The following TMEM87B variants were observed in gnomAD, a reference collection of about 807,000 sequenced individuals.
The protein encoded by TMEM87B is transmembrane protein 87B.
A neutral mutation model predicts 80.3 loss-of-function variants in TMEM87B; 83 were observed. The ratio of observed to expected loss-of-function variants is 1.03; its 90% CI spans 0.87 to 1.24. The LOEUF is 1.24. Ranked by LOEUF, TMEM87B falls within the 50% of genes most tolerant of loss-of-function variation. TMEM87B has a pLI of 0.00. For missense variants in TMEM87B, 625 were observed against 674.4 expected, an observed-to-expected ratio of 0.93 and a Z score of 0.81; for synonymous variants, 219 against 230.5, an observed-to-expected ratio of 0.95 and a Z score of 0.45.
At chr2:112,081,860 T>C (rs1679007853) in intron 8 of TMEM87B, among the ~76,000 whole-genome samples, 1 of 151,972 alleles carries the variant, frequency 6.6e-6, no homozygotes, top group Non-Finnish European at 1.5e-5. Flanking sequence ...TACTTCTCCT[T>C]CCCCCCACAT....
chr2:112,098,928 A>AT (rs1679550719), intron 14 of TMEM87B, among the ~76,000 whole-genome samples: 1 of 152,196 alleles, frequency 6.6e-6, no homozygotes, highest in Non-Finnish European at 1.5e-5. Flanking sequence ...CAGCGCTTAC[A>AT]TTACACCTTG....
intron 15 of TMEM87B, among the ~76,000 whole-genome samples, chr2:112,105,700 T>C (rs1679746694): frequency 6.6e-6 from 1 of 152,222 alleles, no homozygotes; most frequent in African/African-American, 2.4e-5. Context: ...CCATAAACTT[T>C]AAAATAATTG....
At chr2:112,060,619 C>T (rs1428953059) in intron 2 of TMEM87B, among the ~76,000 whole-genome samples, 1 of 151,578 alleles carries the variant, frequency 6.6e-6, no homozygotes, top group Non-Finnish European at 1.5e-5. Context: ...TGACTGCAAC[C>T]TCCGCCTCTC....
At chr2:112,080,322 T>G (rs1229534536) in intron 6 of TMEM87B, among the ~76,000 whole-genome samples, 1 of 149,806 alleles carries the variant, frequency 6.7e-6, no homozygotes, top group Non-Finnish European at 1.5e-5. Flanking sequence ...TGCAGTGGCG[T>G]GATCTCGGCT....
At chr2:112,059,214 AG>A (rs1678171319) in intron 1 of TMEM87B, among the ~76,000 whole-genome samples, 1 of 152,146 alleles carries the variant, frequency 6.6e-6, no homozygotes, top group South Asian at 2.1e-4. Context: ...CTCTAACTGC[AG>A]GATTTTTATT....
At chr2:112,062,325 C>T (rs1211717420) in intron 2 of TMEM87B, among the ~76,000 whole-genome samples, 1 of 152,044 alleles carries the variant, frequency 6.6e-6, no homozygotes, top group East Asian at 1.9e-4. Flanking sequence ...GGAGCCTGTG[C>T]TAAAAAATAT....
At position 112,116,068 on chromosome 2, in the gene TMEM87B, C is replaced by CA. The variant is rs1553469433; in HGVS notation, c.1609-16_1609-15insA. ...GTATCAACATGTTGATACATATCTT[C>CA]TTTTTTTTTCTTCAGGAAATCATGA... On this transcript the variant is annotated splice_polypyrimidine_tract_variant and intron_variant, in intron 18 of 18. Coordinates refer to ENST00000283206, the MANE Select transcript of TMEM87B (RefSeq NM_032824.3). 6.4e-6 allele frequency: 10 copies of CA among 1,574,018 alleles called. No homozygotes were observed. Among genetic ancestry groups the CA allele is most frequent in the Non-Finnish European group, 8.7e-6 (10 of 1,152,546 alleles).
intron 4 of TMEM87B, among the ~76,000 whole-genome samples, chr2:112,071,742 ACTT>A (rs1678644591): frequency 6.6e-6 from 1 of 152,072 alleles, no homozygotes; most frequent in Admixed American, 6.5e-5. Flanking sequence ...GGATAGTTTG[ACTT>A]CTTCTCTTCC....
At chr2:112,065,043 T>C (rs896147339) in intron 3 of TMEM87B, among the ~76,000 whole-genome samples, 2 of 152,064 alleles carry the variant, frequency 1.3e-5, no homozygotes, top group African/African-American at 4.8e-5. Flanking sequence ...ACTCCAGCCC[T>C]GAACTCCTGG....
chr2:112,067,142 A>G, intron 4 of TMEM87B, 75 bp downstream of exon 4: 1 of 1,549,980 alleles, frequency 6.5e-7, no homozygotes, highest in Admixed American at 2.2e-5. Flanking sequence ...GTAATGTTTT[A>G]TCGGAATTTT....
intron 11 of TMEM87B, among the ~76,000 whole-genome samples, chr2:112,092,768 G>A (rs542016309): frequency 2.6e-5 from 4 of 152,256 alleles, no homozygotes; most frequent in South Asian, 2.1e-4. Flanking sequence ...TCTCTGATTC[G>A]ATGACTCAAG....
intron 4 of TMEM87B, among the ~76,000 whole-genome samples, chr2:112,071,683 CAG>C (rs1272988346): frequency 6.6e-6 from 1 of 152,160 alleles, no homozygotes; most frequent in East Asian, 1.9e-4. Flanking sequence ...AGCTTTTGGG[CAG>C]AGAGTATGGG....
intron 4 of TMEM87B, among the ~76,000 whole-genome samples, chr2:112,067,340 G>T (rs1411323837): frequency 6.6e-6 from 1 of 152,202 alleles, no homozygotes. Flanking sequence ...GGGCGCGGTG[G>T]CTCACACCTG....
chr2:112,083,859 G>C (rs1341979952), intron 8 of TMEM87B, among the ~76,000 whole-genome samples: 2 of 152,058 alleles, frequency 1.3e-5, no homozygotes, highest in Non-Finnish European at 2.9e-5. Flanking sequence ...GGCTGGCCAG[G>C]GTCGTAAATA....
At chr2:112,061,851 T>G (rs1421813408) in intron 2 of TMEM87B, among the ~76,000 whole-genome samples, 3 of 152,202 alleles carry the variant, frequency 2.0e-5, no homozygotes, top group African/African-American at 7.2e-5. Flanking sequence ...ATGCTGGTCA[T>G]GTCCAACAGC....
chr2:112,109,855 CT>C (rs1308827040), intron 17 of TMEM87B, among the ~76,000 whole-genome samples: 1 of 150,972 alleles, frequency 6.6e-6, no homozygotes, highest in Non-Finnish European at 1.5e-5. Flanking sequence ...CAGCCTCTGC[CT>C]CCCAAGTTCC....
At chr2:112,115,961 C>T in intron 18 of TMEM87B, 123 bp from the exon 19 acceptor site, 1 of 675,682 alleles carries the variant, frequency 1.5e-6, no homozygotes. Flanking sequence ...GTAATATTTC[C>T]ATGTATATTA....
intron 14 of TMEM87B, among the ~76,000 whole-genome samples, chr2:112,098,921 C>T (rs1481670703): frequency 1.3e-5 from 2 of 152,124 alleles, no homozygotes; most frequent in African/African-American, 4.8e-5. Context: ...GAAGCGACAG[C>T]GCTTACATTA....
At chr2:112,068,986 A>C (rs2104461542) in intron 4 of TMEM87B, among the ~76,000 whole-genome samples, 1 of 151,538 alleles carries the variant, frequency 6.6e-6, no homozygotes, top group Non-Finnish European at 1.5e-5. Flanking sequence ...AGGTCAGGAG[A>C]TCGAGACCAT....
Sources: allele counts gnomAD v4.1 joint callset (sites outside exome capture counted in the v4.1 genomes callset), GRCh38; gene constraint gnomAD v4.1.1; transcripts MANE v1.5; gene names NCBI Gene and HGNC (gene_info 2026-07-23, HGNC 2026-07-21).